Variants in DTNB observed in about 807,000 individuals in gnomAD.
DTNB encodes dystrobrevin beta.
Under a neutral mutation model 90.7 loss-of-function variants are expected in DTNB, and 63 were observed. The observed-to-expected ratio is 0.69, with a 90% CI of 0.57 to 0.86. The LOEUF (loss-of-function observed/expected upper bound fraction) is 0.86, where lower values mean the gene tolerates loss of function less well. Among genes scored for constraint, DTNB ranks in the 40% least tolerant of loss-of-function variants. The pLI is 0.00. For synonymous variants in DTNB, 277 were observed against 286.7 expected (o/e 0.97, Z 0.34); for missense variants, 744 against 807.1 (o/e 0.92, Z 0.95).
intron 8 of DTNB, among the ~76,000 whole-genome samples, chr2:25,571,862 GAT>G (rs61009849): frequency 0.067 from 10,077 of 150,606 alleles, 1,068 homozygotes; most frequent in African/African-American, 0.23. Context: ...GCTGAGAAGC[GAT>G]ATATATATAT....
intron 8 of DTNB, among the ~76,000 whole-genome samples, chr2:25,536,368 G>C (rs1331975519): frequency 6.6e-6 from 1 of 152,186 alleles, no homozygotes; most frequent in Non-Finnish European, 1.5e-5. Flanking sequence ...GGAGGTGGAG[G>C]TTGTAGCGAG....
At chr2:25,508,888 A>G (rs1284346117) in intron 9 of DTNB, among the ~76,000 whole-genome samples, 1 of 152,088 alleles carries the variant, frequency 6.6e-6, no homozygotes, top group East Asian at 1.9e-4. Context: ...TCTTGCACAT[A>G]TTTCATTATA....
At position 25,576,881 on chromosome 2, in the gene DTNB, C is replaced by T; in HGVS notation, c.833G>A (p.Gly278Asp). Residue 278 changes from glycine to aspartate, a missense_variant, in exon 8 of 21, where the codon GGC becomes GAC. By Grantham distance (94) the Gly-to-Asp change is moderately conservative. Transcript: ENST00000406818. ...QNCFWRGHAGGPHSNQHQMKE... is the reference protein window; with the variant it reads ...QNCFWRGHAGDPHSNQHQMKE... ...CATCTGGTGCTGGTTGCTGTGAGGG[C>T]CGCCGGCATGGCCACGCCAAAAGCA... The T allele has an allele frequency of 1.2e-6, 2 of 1,613,152 alleles. No individual in the cohort carries two copies. The highest frequency in any genetic ancestry group is 1.7e-6 in the Non-Finnish European group (2 of 1,179,556).
At chr2:25,473,149 A>G (rs184405585) in intron 10 of DTNB, among the ~76,000 whole-genome samples, 58 of 152,364 alleles carry the variant, frequency 3.8e-4, no homozygotes, top group African/African-American at 1.4e-4. Context: ...AGATTCCCCA[A>G]TAAGATCCAT....
At chr2:25,635,739 G>A (rs1487107235) in intron 3 of DTNB, among the ~76,000 whole-genome samples, 1 of 152,162 alleles carries the variant, frequency 6.6e-6, no homozygotes, top group African/African-American at 2.4e-5. Context: ...AAATTGGCAA[G>A]CAGATTCTAA....
intron 8 of DTNB, among the ~76,000 whole-genome samples, chr2:25,561,275 T>C (rs2058224667): frequency 6.6e-6 from 1 of 152,148 alleles, no homozygotes; most frequent in Admixed American, 6.5e-5. Context: ...TCTTCCTTCG[T>C]CATACTTTTC....
At chr2:25,481,780 A>T (rs2150379877) in intron 10 of DTNB, 1 of 152,320 alleles carries the variant, frequency 6.6e-6, no homozygotes, top group South Asian at 2.1e-4. Flanking sequence ...GCTTCTCAAG[A>T]TCCTATCTTC....
At chr2:25,464,823 A>G (rs2061520857) in intron 10 of DTNB, among the ~76,000 whole-genome samples, 1 of 152,204 alleles carries the variant, frequency 6.6e-6, no homozygotes, top group Non-Finnish European at 1.5e-5. Flanking sequence ...CATGAAGGAC[A>G]TTCTGCAAAA....
At chr2:25,381,946 C>T (rs1239306007) in intron 19 of DTNB, among the ~76,000 whole-genome samples, 4 of 152,256 alleles carry the variant, frequency 2.6e-5, no homozygotes, top group African/African-American at 9.6e-5. Context: ...TGTAGGTTTC[C>T]CTTTCTTGTC....
intron 5 of DTNB, among the ~76,000 whole-genome samples, chr2:25,599,870 G>A (rs545382690): frequency 9.9e-5 from 15 of 152,268 alleles, no homozygotes; most frequent in African/African-American, 3.1e-4. Context: ...CCAGGCAGAG[G>A]AGAATCGCTT....
intron 9 of DTNB, among the ~76,000 whole-genome samples, chr2:25,507,195 G>A (rs2072671741): frequency 6.6e-6 from 1 of 152,176 alleles, no homozygotes; most frequent in East Asian, 1.9e-4. Flanking sequence ...GTTAGAAGCA[G>A]TCTATAATGC....
At chr2:25,389,952 T>C (rs2040634057) in intron 16 of DTNB, among the ~76,000 whole-genome samples, 1 of 151,950 alleles carries the variant, frequency 6.6e-6, no homozygotes, top group Non-Finnish European at 1.5e-5. Flanking sequence ...CCACCCCAAA[T>C]TGGTAACTTC....
chr2:25,633,976 C>A (rs1326985513), intron 3 of DTNB, among the ~76,000 whole-genome samples: 1 of 151,894 alleles, frequency 6.6e-6, no homozygotes, highest in Non-Finnish European at 1.5e-5. Context: ...CTCCACCCGG[C>A]AGCCGCCCCG....
chr2:25,415,910 G>A (rs2047810445), intron 16 of DTNB, among the ~76,000 whole-genome samples: 1 of 152,184 alleles, frequency 6.6e-6, no homozygotes, highest in African/African-American at 2.4e-5. Flanking sequence ...GTAATAGTGA[G>A]TAAAGTGCTT....
intron 9 of DTNB, among the ~76,000 whole-genome samples, chr2:25,513,150 C>T (rs1386394237): frequency 1.3e-5 from 2 of 152,112 alleles, no homozygotes; most frequent in East Asian, 1.9e-4. Flanking sequence ...TGCAAAGGTG[C>T]GGAGAAATAT....
At chr2:25,624,495 G>A (rs183592200) in intron 4 of DTNB, among the ~76,000 whole-genome samples, 14 of 152,282 alleles carry the variant, frequency 9.2e-5, no homozygotes, top group East Asian at 3.9e-4. Context: ...GGGCAAAGCC[G>A]CGCAAAGAAA....
chr2:25,432,679 C>G (rs2054310244), intron 14 of DTNB, among the ~76,000 whole-genome samples: 1 of 152,188 alleles, frequency 6.6e-6, no homozygotes, highest in Non-Finnish European at 1.5e-5. Context: ...TTACCAAGTT[C>G]TGTGATAATG....
intron 10 of DTNB, among the ~76,000 whole-genome samples, chr2:25,471,482 G>A (rs180962809): frequency 3.4e-4 from 51 of 149,978 alleles, no homozygotes; most frequent in Admixed American, 1.9e-3. Flanking sequence ...TGAAACCTCC[G>A]TCTCCCAGGT....
rs374769975 is a variant in DTNB, at chr2:25,390,285, A to C, written c.1576-1924T>G. ...TAAATCAAAATGGATCATAGTAACT[A>C]TAAGAGCTAAAACTAAAATGGATCA... On this transcript the variant is annotated intron_variant, in intron 16 of 20. Transcript: ENST00000406818. Among the ~76,000 whole-genome samples, 5 of 152,364 alleles carry C rather than the reference A, an allele frequency of 3.3e-5. No homozygotes were observed. In the East Asian group the frequency reaches 9.6e-4, roughly 29 times the overall value.
Sources: gnomAD v4.1 joint callset for allele counts (sites outside exome capture counted in the v4.1 genomes callset) on GRCh38, gnomAD v4.1.1 for gene constraint, MANE v1.5 for transcripts, NCBI Gene and HGNC (gene_info 2026-07-23, HGNC 2026-07-21) for gene names.